Variants in GPR158 observed in about 807,000 individuals in gnomAD.
GPR158 encodes metabotropic glycine receptor.
In GPR158, 30 loss-of-function variants were observed where a neutral mutation model predicts 78.2. That is an observed-to-expected ratio of 0.38 (90% CI 0.29 to 0.52). GPR158 has a LOEUF of 0.52. Among genes scored for constraint, GPR158 ranks in the 20% least tolerant of loss-of-function variants. The probability of loss-of-function intolerance (pLI) is 0.83; values close to 1 mark genes in which losing one functional copy is unlikely to be tolerated. For missense variants in GPR158, 1,463 were observed against 1,523.5 expected (o/e 0.96, Z 0.66); for synonymous variants, 581 against 591.1 (o/e 0.98, Z 0.25).
At chr10:25,597,654 GTA>G in intron 10 of GPR158, 116 bp from the exon 11 acceptor site, 1 of 636,178 alleles carries the variant, frequency 1.6e-6, no homozygotes, top group African/African-American at 1.9e-5. Context: ...AGAGAAAGCT[GTA>G]GAGCAGTTGC....
chr10:25,519,890 C>G (rs978191828), intron 5 of GPR158, among the ~76,000 whole-genome samples: 1 of 64,184 alleles, frequency 1.6e-5, no homozygotes, highest in Non-Finnish European at 2.7e-5. Context: ...TTGTGGCGTT[C>G]TCTGTATTTC....
chr10:25,320,066 G>A (rs1029457545), intron 2 of GPR158, among the ~76,000 whole-genome samples: 7 of 152,070 alleles, frequency 4.6e-5, no homozygotes, highest in African/African-American at 1.7e-4. Context: ...CAGCCCCGTC[G>A]AGTCACACTG....
At chr10:25,343,288 AAAGT>A (rs1479050703) in intron 2 of GPR158, among the ~76,000 whole-genome samples, 4 of 151,990 alleles carry the variant, frequency 2.6e-5, no homozygotes, top group Admixed American at 1.3e-4. Context: ...GAGGAGGAAG[AAAGT>A]AAGCAGATGA....
intron 2 of GPR158, among the ~76,000 whole-genome samples, chr10:25,290,292 AC>A (rs1854416458): frequency 5.9e-5 from 9 of 152,202 alleles, no homozygotes; most frequent in African/African-American, 2.2e-4. Context: ...AATTCCTGTT[AC>A]TGCTAGCCTC....
chr10:25,237,815 T>C (rs1204536853), intron 2 of GPR158, among the ~76,000 whole-genome samples: 1 of 152,214 alleles, frequency 6.6e-6, no homozygotes, highest in Non-Finnish European at 1.5e-5. Flanking sequence ...GTTCTCAACA[T>C]CAAATTTTAC....
At chr10:25,412,971 G>C (rs111451282) in intron 4 of GPR158, among the ~76,000 whole-genome samples, 113 of 152,226 alleles carry the variant, frequency 7.4e-4, no homozygotes, top group African/African-American at 2.6e-3. Flanking sequence ...ACAATCCCGG[G>C]AAGAACTTAC....
rs539164116 is a variant in GPR158, at chr10:25,511,308, A to C, written c.1405-39668A>C. 2.2e-4 allele frequency among the ~76,000 whole-genome samples: 34 copies of C among 152,040 alleles called. No individual in the cohort carries two copies. In the South Asian group the frequency reaches 3.7e-3, roughly 17 times the overall value. On this transcript the variant is annotated intron_variant, in intron 5 of 10. Coordinates refer to ENST00000376351, the MANE Select transcript of GPR158 (RefSeq NM_020752.3). ...TCCCTGATCATTAGTGATGTTGAAC[A>C]TTTTTCATATGTTTGTTGGCCATTT...
intron 2 of GPR158, among the ~76,000 whole-genome samples, chr10:25,280,376 A>T (rs1854250666): frequency 6.6e-6 from 1 of 152,212 alleles, no homozygotes; most frequent in Non-Finnish European, 1.5e-5. Flanking sequence ...GTTGGTTATA[A>T]AGAGTCACTA....
At chr10:25,365,952 A>T (rs936788175) in intron 2 of GPR158, among the ~76,000 whole-genome samples, 1 of 151,700 alleles carries the variant, frequency 6.6e-6, no homozygotes, top group Non-Finnish European at 1.5e-5. Flanking sequence ...TTTTCTTTTT[A>T]AAAACCTTAC....
intron 5 of GPR158, among the ~76,000 whole-genome samples, chr10:25,533,434 A>G (rs1836451656): frequency 1.3e-5 from 2 of 152,208 alleles, no homozygotes; most frequent in South Asian, 2.1e-4. Flanking sequence ...GTGTTCAATC[A>G]GGGTGGAAGA....
intron 2 of GPR158, among the ~76,000 whole-genome samples, chr10:25,236,432 C>T (rs910935685): frequency 3.9e-5 from 6 of 152,074 alleles, no homozygotes; most frequent in South Asian, 2.1e-4. Context: ...GGCATGAACC[C>T]GGGAGGTGGA....
intron 4 of GPR158, among the ~76,000 whole-genome samples, chr10:25,462,576 G>C (rs1835370528): frequency 6.6e-6 from 1 of 152,148 alleles, no homozygotes; most frequent in Admixed American, 6.5e-5. Context: ...CACCATTCTA[G>C]ATGCCATTGA....
At chr10:25,262,071 G>A (rs945921912) in intron 2 of GPR158, among the ~76,000 whole-genome samples, 4 of 152,162 alleles carry the variant, frequency 2.6e-5, no homozygotes, top group South Asian at 2.1e-4. Context: ...CTAGGGTTTG[G>A]GACCAAGTAG....
chr10:25,403,173 T>A (rs1442666396), intron 3 of GPR158, among the ~76,000 whole-genome samples: 2 of 151,978 alleles, frequency 1.3e-5, no homozygotes, highest in Non-Finnish European at 2.9e-5. Flanking sequence ...TTAACCATTC[T>A]AAGGTTTATA....
chr10:25,435,849 C>T (rs1458215769), intron 4 of GPR158, among the ~76,000 whole-genome samples: 2 of 152,016 alleles, frequency 1.3e-5, no homozygotes, highest in Non-Finnish European at 2.9e-5. Flanking sequence ...AAGAGATAGT[C>T]GTGGTAGTGC....
At chr10:25,418,507 C>T (rs1834695606) in intron 4 of GPR158, among the ~76,000 whole-genome samples, 1 of 152,020 alleles carries the variant, frequency 6.6e-6, no homozygotes, top group Middle Eastern at 3.4e-3. Flanking sequence ...ATTTTGAGCC[C>T]AGTGTGTTCT....
At chr10:25,489,630 T>C (rs1418942476) in intron 5 of GPR158, among the ~76,000 whole-genome samples, 1 of 152,116 alleles carries the variant, frequency 6.6e-6, no homozygotes, top group Non-Finnish European at 1.5e-5. Context: ...TCTTCAGGTA[T>C]TTAGCTTCTC....
rs1431080796 is a variant in GPR158, at chr10:25,380,057, A to G, written c.1009-15854A>G. On this transcript the variant is annotated intron_variant, in intron 2 of 10. Coordinates refer to ENST00000376351, the MANE Select transcript of GPR158 (RefSeq NM_020752.3). ...TTGCTAACAAACTATTGTTTCATAG[A>G]AAAAAACTGAGTTCAGTTTTGTTCT... 1.3e-5 allele frequency among the ~76,000 whole-genome samples: 2 copies of G among 152,048 alleles called. 1 individual carries two copies. Among genetic ancestry groups the G allele is most frequent in the South Asian group, 4.1e-4 (2 of 4,822 alleles).
Position 25,597,867 on chromosome 10 carries a change from G to A in GPR158, c.2241G>A (p.Lys747=), listed in dbSNP as rs771439665. 6.4e-7 allele frequency: 1 copy of A among 1,556,180 alleles called. No individual in the cohort carries two copies. The highest frequency in any genetic ancestry group is 2.1e-5 in the Admixed American group (1 of 47,972). The part of the protein sequence containing the change: ...NPHLQKKRCS[K]KGLGRSIMRR... ...ACCTCCAGAAAAAGCGGTGCTCGAA[G>A]AAGGGCCTAGGTCGTTCCATCATGA... is the stretch of plus-strand genomic sequence containing the variant. The change falls in exon 11 of 11, where the codon AAG becomes AAA. Residue 747 remains lysine, a synonymous_variant. Transcript: ENST00000376351.
Sources: gnomAD v4.1 joint callset for allele counts (sites outside exome capture counted in the v4.1 genomes callset) on GRCh38, gnomAD v4.1.1 for gene constraint, MANE v1.5 for transcripts, NCBI Gene and HGNC (gene_info 2026-07-23, HGNC 2026-07-21) for gene names.